MBTPS1: variants seen among roughly 807,000 people sequenced by gnomAD.
The protein encoded by MBTPS1 is membrane-bound transcription factor site-1 protease.
A neutral mutation model predicts 127.8 loss-of-function variants in MBTPS1; 94 were observed. The observed-to-expected ratio is 0.74, with a 90% confidence interval of 0.62 to 0.87. The LOEUF is 0.87. MBTPS1 is among the 40% of genes least tolerant of loss of function. MBTPS1 has a pLI of 0.00. For missense variants in MBTPS1, 1,636 were observed against 1,353.2 expected (o/e 1.21, Z -3.28); for synonymous variants, 632 against 509.4 (o/e 1.24, Z -3.24).
At chr16:84,071,549 T>G (rs963123140) in intron 12 of MBTPS1, among the ~76,000 whole-genome samples, 3 of 152,168 alleles carry the variant, frequency 2.0e-5, no homozygotes, top group African/African-American at 7.2e-5. Flanking sequence ...GGTTCCCAAG[T>G]GAAAAACTTT....
chr16:84,062,267 C>T (rs1009430762), intron 19 of MBTPS1, among the ~76,000 whole-genome samples: 3 of 152,162 alleles, frequency 2.0e-5, no homozygotes, highest in Non-Finnish European at 4.4e-5. Context: ...ACTACAGGCA[C>T]ACGCCACCAC....
chr16:84,070,383 C>T lies in MBTPS1; in HGVS notation c.1782+205G>A, dbSNP rs571528103. ...TCTCTGCTGTTGTGTGGCCACAGAACGGCAAGCCCTAGCACTCACTGACTG... is the reference window on the plus strand; with the variant it reads ...TCTCTGCTGTTGTGTGGCCACAGAATGGCAAGCCCTAGCACTCACTGACTG... On this transcript the variant is annotated intron_variant, in intron 13 of 22. Coordinates refer to ENST00000343411, the MANE Select transcript of MBTPS1 (RefSeq NM_003791.4). Among the ~76,000 whole-genome samples the T allele has an allele frequency of 1.6e-4, 24 of 152,298 alleles. 1 individual carries two copies. The highest frequency in any genetic ancestry group is 4.6e-4 in the African/African-American group (19 of 41,568).
At chr16:84,082,140 T>G (rs773132674) in intron 10 of MBTPS1, 25 of 343,534 alleles carry the variant, frequency 7.3e-5, no homozygotes, top group Non-Finnish European at 1.3e-4. Context: ...GCTAAATGCA[T>G]CAGTAACACA....
At chr16:84,055,487 G>A (rs1033064318) in intron 22 of MBTPS1, among the ~76,000 whole-genome samples, 22 of 152,198 alleles carry the variant, frequency 1.4e-4, no homozygotes, top group African/African-American at 5.1e-4. Context: ...GGCAGTCTAT[G>A]TAGCCAGTCA....
At chr16:84,091,927 C>G (rs2086115801) in intron 6 of MBTPS1, 79 bp from the exon 7 acceptor site, 3 of 831,774 alleles carry the variant, frequency 3.6e-6, no homozygotes, top group African/African-American at 3.4e-5. Context: ...TTCTAAGGCT[C>G]TTTTAAAATT....
chr16:84,092,538 G>T (rs2086123878), intron 6 of MBTPS1, among the ~76,000 whole-genome samples: 1 of 152,292 alleles, frequency 6.6e-6, no homozygotes, highest in Non-Finnish European at 1.5e-5. Flanking sequence ...TCATCACACA[G>T]GACACACGGG....
Position 84,101,750 on chromosome 16 carries a change from C to T in MBTPS1, c.34G>A (p.Val12Met), listed in dbSNP as rs773118504. ...TGTTTCTTCCCACAGAGCAAAACCA[C>T]GAGCAGAAGCAGCCAGATGTTGACA... ...KLVNIWLLLL[V>M]VLLCGKKHLG... The change falls in exon 2 of 23, where the codon GTG (valine) becomes ATG (methionine). Residue 12 changes from valine to methionine, a missense_variant. Transcript: ENST00000343411. 37 of 1,613,824 alleles carry T rather than the reference C, an allele frequency of 2.3e-5. No individual in the cohort carries two copies. The highest frequency in any genetic ancestry group is 3.3e-4 in the Middle Eastern group (2 of 6,084).
At chr16:84,095,894 G>T in intron 3 of MBTPS1, 89 bp from the exon 4 acceptor site, 1 of 1,053,132 alleles carries the variant, frequency 9.5e-7, no homozygotes, top group Non-Finnish European at 1.4e-6. Context: ...ACACAGGGAG[G>T]ATTACCATTT....
intron 1 of MBTPS1, among the ~76,000 whole-genome samples, chr16:84,115,673 T>C (rs1366557021): frequency 1.3e-5 from 2 of 152,176 alleles, no homozygotes; most frequent in African/African-American, 2.4e-5. Flanking sequence ...GAAATAGTCA[T>C]TAAAGGCAAA....
chr16:84,074,550 T>C, intron 12 of MBTPS1, 47 bp downstream of exon 12: 1 of 1,597,084 alleles, frequency 6.3e-7, no homozygotes, highest in Non-Finnish European at 8.6e-7. Context: ...CTGGGCTGTG[T>C]CTAAGTTCAC....
intron 1 of MBTPS1, among the ~76,000 whole-genome samples, chr16:84,108,991 T>C (rs1000159398): frequency 6.6e-6 from 1 of 152,170 alleles, no homozygotes; most frequent in African/African-American, 2.4e-5. Context: ...AAGAAAGAAA[T>C]CTAAGTGCAC....
chr16:84,066,401 A>C (rs1289244044), intron 17 of MBTPS1, 88 bp downstream of exon 17: 15 of 1,387,690 alleles, frequency 1.1e-5, no homozygotes, highest in Non-Finnish European at 1.5e-5. Flanking sequence ...AGGGATCACC[A>C]TTCTCTTTCT....
At chr16:84,068,505 A>C in intron 14 of MBTPS1, 51 bp from the exon 15 acceptor site, 1 of 1,309,862 alleles carries the variant, frequency 7.6e-7, no homozygotes, top group Non-Finnish European at 1.1e-6. Flanking sequence ...TACTGGCAAT[A>C]AAGGCATATC....
intron 2 of MBTPS1, among the ~76,000 whole-genome samples, chr16:84,100,299 C>G (rs1417130864): frequency 6.6e-6 from 1 of 152,118 alleles, no homozygotes; most frequent in Non-Finnish European, 1.5e-5. Flanking sequence ...AATCCCAACA[C>G]TTTGGGAGGC....
chr16:84,069,943 A>T lies in MBTPS1; in HGVS notation c.1878T>A (p.Asp626Glu). The change falls in exon 14 of 23, where the codon GAT becomes GAA. Residue 626 changes from aspartate (D) to glutamate (E), a missense_variant. Coordinates refer to ENST00000343411, the MANE Select transcript of MBTPS1 (RefSeq NM_003791.4). ...TPPRSKRVLW[D>E]QYHNLRYPPG... is the part of the protein sequence containing the mutation. ...GTGGATAGCGGAGGTTGTGGTACTGATCCCAGAGAACTCTCTTGCTTCGCG... is the reference window on the plus strand; with the variant it reads ...GTGGATAGCGGAGGTTGTGGTACTGTTCCCAGAGAACTCTCTTGCTTCGCG... 6.2e-7 allele frequency: 1 copy of T among 1,614,072 alleles called. No homozygotes were observed. Among genetic ancestry groups the T allele is most frequent in the Non-Finnish European group, 8.5e-7 (1 of 1,179,974 alleles).
chr16:84,111,879 A>G (rs1378207356), intron 1 of MBTPS1, among the ~76,000 whole-genome samples: 2 of 150,158 alleles, frequency 1.3e-5, no homozygotes, highest in Admixed American at 6.7e-5. Flanking sequence ...TTACATTTCA[A>G]TTTTAAAATG....
At chr16:84,066,810 A>C (rs1431613692) in intron 16 of MBTPS1, among the ~76,000 whole-genome samples, 197 bp from the exon 17 acceptor site, 1 of 152,248 alleles carries the variant, frequency 6.6e-6, no homozygotes, top group Non-Finnish European at 1.5e-5. Context: ...AGAATTAATT[A>C]AAGCAAAATT....
Position 84,093,250 on chromosome 16 carries a change from C to A in MBTPS1, c.784G>T (p.Glu262Ter). Residue 262 changes from glutamate to a stop codon, truncating the protein, a stop_gained, in exon 6 of 23, where the codon GAG becomes TAG. Transcript: ENST00000343411. LOFTEE classifies it high-confidence loss of function. ...GCATCTGGAGCAAATCCTTGGCACT[C>A]CCTCATGCTGGCTATCACACCTGCC... ...FVAGVIASMRECQGFAPDAEL... is the reference protein window; with the variant it reads ...FVAGVIASMR 1 of 1,614,112 alleles carries A rather than the reference C, an allele frequency of 6.2e-7. No homozygotes were observed. The highest frequency in any genetic ancestry group is 8.5e-7 in the Non-Finnish European group (1 of 1,179,956).
chr16:84,057,014 A>G (rs147556347), intron 21 of MBTPS1: 1 of 152,352 alleles, frequency 6.6e-6, no homozygotes, highest in Non-Finnish European at 1.5e-5. Flanking sequence ...ATTCATTTGG[A>G]AACTGTCAGC....
Sources: allele counts gnomAD v4.1 joint callset (sites outside exome capture counted in the v4.1 genomes callset), GRCh38; gene constraint gnomAD v4.1.1; transcripts MANE v1.5; gene names NCBI Gene and HGNC (gene_info 2026-07-23, HGNC 2026-07-21).